The following ATP9A variants were observed in gnomAD, a reference collection of about 807,000 sequenced individuals.
ATP9A encodes the protein probable phospholipid-transporting ATPase IIA.
ATP9A carries 52 observed loss-of-function variants against 144.1 expected under a neutral mutation model. That is an observed-to-expected ratio of 0.36 (90% CI 0.29 to 0.45). The LOEUF (loss-of-function observed/expected upper bound fraction) is 0.45, where lower values mean the gene tolerates loss of function less well. ATP9A is among the 20% of genes least tolerant of loss of function. The pLI, the probability that ATP9A is intolerant of heterozygous loss-of-function variation, is 1.00. For missense variants in ATP9A, 947 were observed against 1,392.7 expected, an observed-to-expected ratio of 0.68 and a Z score of 5.09; for synonymous variants, 582 against 557.4, an observed-to-expected ratio of 1.04 and a Z score of -0.62.
At position 51,668,524 on chromosome 20, in the gene ATP9A, C is replaced by G. The variant is rs545831762; in HGVS notation, c.1293+1473G>C. On this transcript the variant is annotated intron_variant, in intron 13 of 27. Coordinates refer to ENST00000338821, the MANE Select transcript of ATP9A (RefSeq NM_006045.3). ...AGGGGCCATCCGGGGAACAACATAACAGAGTCCAGCACCGAGCCCCAGAGA... is the reference window on the plus strand; with the variant it reads ...AGGGGCCATCCGGGGAACAACATAAGAGAGTCCAGCACCGAGCCCCAGAGA... Among the ~76,000 whole-genome samples, 7 of 152,160 alleles carry G rather than the reference C, an allele frequency of 4.6e-5. No individual in the cohort carries two copies. In the South Asian group the frequency reaches 1.5e-3, roughly 32 times the overall value.
intron 13 of ATP9A, among the ~76,000 whole-genome samples, chr20:51,660,429 G>C (rs1332852669): frequency 6.6e-6 from 1 of 152,152 alleles, no homozygotes; most frequent in African/African-American, 2.4e-5. Flanking sequence ...AACCACAGAC[G>C]GTCAGATGTT....
intron 1 of ATP9A, among the ~76,000 whole-genome samples, chr20:51,745,459 T>C (rs1195277512): frequency 6.6e-6 from 1 of 151,718 alleles, no homozygotes; most frequent in East Asian, 1.9e-4. Context: ...TAAAAGCCGT[T>C]ATGAATTAGT....
Position 51,610,112 on chromosome 20 carries a change from G to GA in ATP9A, c.2624dup (p.Leu876ProfsTer33). The GA allele has an allele frequency of 6.2e-7, 1 of 1,602,034 alleles. No individual in the cohort carries two copies. Among genetic ancestry groups the GA allele is most frequent in the Non-Finnish European group, 8.6e-7 (1 of 1,169,048 alleles). Reference sequence around the variant, plus strand: ...CAGGATTTCCTTACCCAATGATGAGGAATCCTTGATAGAGAGGGACGGAGG... The same window carrying GA: ...CAGGATTTCCTTACCCAATGATGAGGAAATCCTTGATAGAGAGGGACGGAGG... On this transcript the variant is annotated frameshift_variant, in exon 24 of 28. Coordinates refer to ENST00000338821, the MANE Select transcript of ATP9A (RefSeq NM_006045.3). LOFTEE classifies it high-confidence loss of function.
intron 15 of ATP9A, among the ~76,000 whole-genome samples, chr20:51,632,580 G>A (rs2077274218): frequency 6.6e-6 from 1 of 152,042 alleles, no homozygotes; most frequent in Non-Finnish European, 1.5e-5. Flanking sequence ...CTCAGCCTCT[G>A]GTTGTGACAA....
At chr20:51,693,278 C>T (rs906133812) in intron 7 of ATP9A, among the ~76,000 whole-genome samples, 2 of 152,164 alleles carry the variant, frequency 1.3e-5, no homozygotes, top group East Asian at 1.9e-4. Context: ...CAGTGGAGTG[C>T]GGAGATGCCC....
At chr20:51,744,336 T>C (rs979348404) in intron 1 of ATP9A, among the ~76,000 whole-genome samples, 2 of 152,062 alleles carry the variant, frequency 1.3e-5, no homozygotes, top group Non-Finnish European at 2.9e-5. Context: ...CGGCTAATTT[T>C]TGTATTTTTA....
At chr20:51,759,118 T>C (rs1252694089) in intron 1 of ATP9A, among the ~76,000 whole-genome samples, 1 of 152,168 alleles carries the variant, frequency 6.6e-6, no homozygotes, top group Non-Finnish European at 1.5e-5. Context: ...CTGAAGGGGA[T>C]GGCGCAAGTG....
At chr20:51,735,980 C>T (rs931163872) in intron 1 of ATP9A, among the ~76,000 whole-genome samples, 7 of 152,164 alleles carry the variant, frequency 4.6e-5, no homozygotes, top group African/African-American at 1.7e-4. Context: ...TAAACAACTT[C>T]CAAAGAAAAT....
chr20:51,764,986 G>T lies in ATP9A; in HGVS notation c.68+3316C>A, dbSNP rs370491313. Among the ~76,000 whole-genome samples the T allele has an allele frequency of 1.5e-4, 23 of 152,246 alleles. 1 individual carries two copies. In the East Asian group the frequency reaches 4.3e-3, roughly 28 times the overall value. ...TCCGCCCACCTTGGCCTCCCAAAGT[G>T]CTGGGATTACAGGCTTGAACCACCA... On this transcript the variant is annotated intron_variant, in intron 1 of 27. Transcript: ENST00000338821.
At chr20:51,676,308 C>CT (rs757176327) in intron 9 of ATP9A, 100 bp from the exon 10 acceptor site, 35,959 of 662,344 alleles carry the variant, frequency 0.054, 16 homozygotes, top group East Asian at 0.1. Flanking sequence ...AGACTGGGTT[C>CT]TTTTTTTTTT....
In ATP9A at chr20:51,596,718, GTCC is replaced by G. The variant is rs1424032685; in HGVS notation, c.*4490_*4492del. The G allele has an allele frequency of 2.0e-5, 3 of 152,030 alleles. No individual in the cohort carries two copies. Among genetic ancestry groups the G allele is most frequent in the Non-Finnish European group, 4.4e-5 (3 of 68,020 alleles). 9.4% of individuals were successfully genotyped at this position (152,030 alleles called of 1,614,324 possible). A position where few individuals can be genotyped will look rare whatever the true frequency, so the allele number is the denominator to read the frequency against. ...AAAAATAGGAGCGTTATAATAAAAA[GTCC>G]TCATTTTGATACCAGAATTCATGTT... On this transcript the variant is annotated 3_prime_UTR_variant, in exon 28 of 28. Coordinates refer to ENST00000338821, the MANE Select transcript of ATP9A (RefSeq NM_006045.3).
rs187376312 is a variant in ATP9A, at chr20:51,716,367, C to T, written c.328-3293G>A. Reference sequence around the variant, plus strand: ...ATCCCAGCATTTGGGGAGGCTGAGGCGGGAAGATCGCTTGAGCCCAGGAGT... The same window carrying T: ...ATCCCAGCATTTGGGGAGGCTGAGGTGGGAAGATCGCTTGAGCCCAGGAGT... On this transcript the variant is annotated intron_variant, in intron 3 of 27. Coordinates refer to ENST00000338821, the MANE Select transcript of ATP9A (RefSeq NM_006045.3). Among the ~76,000 whole-genome samples the T allele has an allele frequency of 8.4e-3, 1,279 of 151,702 alleles. 18 individuals carry two copies. The highest frequency in any genetic ancestry group is 0.029 in the African/African-American group (1,196 of 41,332).
At chr20:51,623,065 A>G (rs1177149537) in intron 18 of ATP9A, among the ~76,000 whole-genome samples, 1 of 152,138 alleles carries the variant, frequency 6.6e-6, no homozygotes, top group Non-Finnish European at 1.5e-5. Context: ...AAGTAAAGGG[A>G]GAGGTAGGAT....
chr20:51,628,092 CAAGTG>C (rs1226967850), intron 16 of ATP9A, among the ~76,000 whole-genome samples: 1 of 152,138 alleles, frequency 6.6e-6, no homozygotes, highest in East Asian at 1.9e-4. Context: ...GTGGAGGTGT[CAAGTG>C]AAGAACACTC....
In ATP9A at chr20:51,670,127, T is replaced by C. The variant is rs2077449916; in HGVS notation, c.1181-18A>G. ...AAGAGTGCCTAAAACACAAGACAAA[T>C]GAGTGGCCGGCCTGTCTCTCAGGAT... On this transcript the variant is annotated intron_variant, in intron 12 of 27. Coordinates refer to ENST00000338821, the MANE Select transcript of ATP9A (RefSeq NM_006045.3). 1.9e-6 allele frequency: 3 copies of C among 1,576,534 alleles called. No individual in the cohort carries two copies. Among genetic ancestry groups the C allele is most frequent in the African/African-American group, 1.3e-5 (1 of 74,106 alleles).
chr20:51,694,214 C>T (rs934027139), intron 6 of ATP9A, 112 bp from the exon 7 acceptor site: 2 of 713,672 alleles, frequency 2.8e-6, no homozygotes, highest in Admixed American at 2.7e-5. Context: ...TGGCCAGCGA[C>T]CACAAGAGAA....
intron 25 of ATP9A, among the ~76,000 whole-genome samples, 189 bp from the exon 26 acceptor site, chr20:51,607,773 G>A (rs573918673): frequency 6.6e-6 from 1 of 152,128 alleles, no homozygotes; most frequent in East Asian, 1.9e-4. Flanking sequence ...GCCAGGCATG[G>A]TGGCTCACAC....
chr20:51,676,204 A>T lies in ATP9A; in HGVS notation c.804T>A (p.Thr268=). ...CAGTGTAAAGAACAACACCCACAACAGTACCTAAAATGGAAAAAAGAAAAA... is the reference window on the plus strand; with the variant it reads ...CAGTGTAAAGAACAACACCCACAACTGTACCTAAAATGGAAAAAAGAAAAA... ...LWAGTVVASG[T]VVGVVLYTGR... The change falls in exon 10 of 28, where the codon ACT becomes ACA. Residue 268 remains threonine, a synonymous_variant. Coordinates refer to ENST00000338821, the MANE Select transcript of ATP9A (RefSeq NM_006045.3). The T allele has an allele frequency of 6.3e-7, 1 of 1,596,732 alleles. No individual in the cohort carries two copies. Among genetic ancestry groups the T allele is most frequent in the Non-Finnish European group, 8.5e-7 (1 of 1,173,578 alleles).
rs1452224743 is a variant in ATP9A at position 51,629,053 on chromosome 20, A to G, written c.1688T>C (p.Ile563Thr). ...IIVRDESTGE[I>T]TFYMKGADVV... Reference sequence around the variant, plus strand: ...ATCTGCTCCCTTCATGTAAAACGTAATTTCTCCAGTTGATTCATCCTAGAG... The same window carrying G: ...ATCTGCTCCCTTCATGTAAAACGTAGTTTCTCCAGTTGATTCATCCTAGAG... The change falls in exon 16 of 28, where the codon ATT (isoleucine) becomes ACT (threonine). Residue 563 changes from isoleucine to threonine, a missense_variant. By Grantham distance (89) the Ile-to-Thr change is moderately conservative (BLOSUM62 -1). Coordinates refer to ENST00000338821, the MANE Select transcript of ATP9A (RefSeq NM_006045.3). 6 of 1,613,850 alleles carry G rather than the reference A, an allele frequency of 3.7e-6. No individual in the cohort carries two copies. In the Admixed American group the frequency reaches 5.0e-5, roughly 13 times the overall value.
Sources: allele counts gnomAD v4.1 joint callset (sites outside exome capture counted in the v4.1 genomes callset), GRCh38; gene constraint gnomAD v4.1.1; transcripts MANE v1.5; gene names NCBI Gene and HGNC (gene_info 2026-07-23, HGNC 2026-07-21).